The following ARHGEF10L variants were observed in gnomAD, a reference collection of about 807,000 sequenced individuals.
ARHGEF10L encodes rho guanine nucleotide exchange factor 10-like protein.
A neutral mutation model predicts 141.2 loss-of-function variants in ARHGEF10L; 69 were observed. The ratio of observed to expected loss-of-function variants is 0.49; its 90% CI spans 0.40 to 0.60. The LOEUF (loss-of-function observed/expected upper bound fraction) is 0.60. Ranked by LOEUF, ARHGEF10L falls within the 20% of genes least tolerant of loss-of-function variation. The probability of loss-of-function intolerance (pLI) is 0.00; values close to 1 mark genes in which losing one functional copy is unlikely to be tolerated. For missense variants in ARHGEF10L, 1,482 were observed against 1,734.3 expected (o/e 0.85, Z 2.58); for synonymous variants, 711 against 718.5 (o/e 0.99, Z 0.17).
intron 1 of ARHGEF10L, among the ~76,000 whole-genome samples, chr1:17,553,098 C>A (rs2077176493): frequency 6.6e-6 from 1 of 152,226 alleles, no homozygotes. Flanking sequence ...CCAAGTGGGG[C>A]AGACCCGGGA....
intron 26 of ARHGEF10L, among the ~76,000 whole-genome samples, chr1:17,667,679 C>CAGGG (rs2063069510): frequency 6.6e-6 from 1 of 152,182 alleles, no homozygotes; most frequent in African/African-American, 2.4e-5. Context: ...AAATTACAGG[C>CAGGG]AGGGGCCTGC....
chr1:17,519,166 ACT>A, the ARHGEF10L span, among the ~76,000 whole-genome samples: 2 of 149,616 alleles, frequency 1.3e-5, no homozygotes, highest in African/African-American at 4.9e-5. Flanking sequence ...CAAGAGTGAA[ACT>A]CTGTCTAAAA....
intron 26 of ARHGEF10L, among the ~76,000 whole-genome samples, chr1:17,669,791 G>A (rs1280445093): frequency 6.6e-6 from 1 of 152,260 alleles, no homozygotes; most frequent in African/African-American, 2.4e-5. Flanking sequence ...CTCTGTATGA[G>A]GTGCTGGAGG....
intron 1 of ARHGEF10L, among the ~76,000 whole-genome samples, chr1:17,560,776 G>T (rs1219450606): frequency 6.6e-6 from 1 of 152,186 alleles, no homozygotes; most frequent in East Asian, 1.9e-4. Flanking sequence ...TGTTGGTCAG[G>T]CTGGTCTCGA....
chr1:17,614,625 A>G (rs1249288198), intron 8 of ARHGEF10L, among the ~76,000 whole-genome samples: 2 of 152,096 alleles, frequency 1.3e-5, no homozygotes, highest in African/African-American at 4.8e-5. Flanking sequence ...AACAAGAAGA[A>G]GATGAGCGTC....
chr1:17,579,049 C>T (rs1219837517), intron 1 of ARHGEF10L, among the ~76,000 whole-genome samples: 1 of 151,952 alleles, frequency 6.6e-6, no homozygotes, highest in Non-Finnish European at 1.5e-5. Flanking sequence ...GAGACAGAGT[C>T]TTGCTCTGTT....
Position 17,654,602 on chromosome 1 carries a change from A to T in ARHGEF10L, c.2395-34A>T, listed in dbSNP as rs373192617. The T allele has an allele frequency of 6.3e-7, 1 of 1,595,064 alleles. No individual in the cohort carries two copies. Among genetic ancestry groups the T allele is most frequent in the Non-Finnish European group, 8.6e-7 (1 of 1,162,700 alleles). Reference sequence around the variant, plus strand: ...ATATTGGCATCTGGGCACCTTGATGATTAACCTCACATGTACCGTCTCTGT... The same window carrying T: ...ATATTGGCATCTGGGCACCTTGATGTTTAACCTCACATGTACCGTCTCTGT... On this transcript the variant is annotated intron_variant, in intron 22 of 28. Transcript: ENST00000361221. This position sits in a 1 kb window ranked among gnomAD's most constrained non-coding sequence, Gnocchi z 4.3.
chr1:17,559,464 G>A (rs542794006), intron 1 of ARHGEF10L, among the ~76,000 whole-genome samples: 1 of 152,316 alleles, frequency 6.6e-6, no homozygotes, highest in African/African-American at 2.4e-5. Flanking sequence ...AATGCTCTGA[G>A]CTCAGATTTG....
chr1:17,666,538 G>T (rs886135222), intron 26 of ARHGEF10L, among the ~76,000 whole-genome samples: 1 of 152,086 alleles, frequency 6.6e-6, no homozygotes, highest in Admixed American at 6.5e-5. Context: ...ACCTGGCAGT[G>T]AGGACCTTTA....
chr1:17,618,334 G>T (rs2059918573), intron 9 of ARHGEF10L: 1 of 1,531,260 alleles, frequency 6.5e-7, no homozygotes, highest in Non-Finnish European at 8.8e-7. Flanking sequence ...CCGTGGCAGG[G>T]CTCGAATCAC....
intron 21 of ARHGEF10L, among the ~76,000 whole-genome samples, chr1:17,646,247 C>T (rs973238068): frequency 3.9e-5 from 6 of 152,256 alleles, no homozygotes; most frequent in Non-Finnish European, 7.3e-5. Context: ...GGTGCCACCT[C>T]TCTCGGGCAG....
At chr1:17,536,810 G>A (rs2076582281), upstream of ARHGEF10L, among the ~76,000 whole-genome samples, 1 of 152,136 alleles carries the variant, frequency 6.6e-6, no homozygotes, top group African/African-American at 2.4e-5. Context: ...GTGGCCCTGG[G>A]GGAATGTGGA....
chr1:17,642,887 C>T (rs2061403359), intron 21 of ARHGEF10L, among the ~76,000 whole-genome samples: 1 of 152,214 alleles, frequency 6.6e-6, no homozygotes, highest in Non-Finnish European at 1.5e-5. Context: ...GCTTTAAAGG[C>T]AGATGAATGT....
chr1:17,606,690 A>T (rs1217465899), intron 6 of ARHGEF10L, among the ~76,000 whole-genome samples: 3 of 151,152 alleles, frequency 2.0e-5, no homozygotes, highest in Non-Finnish European at 4.4e-5. Context: ...TTTCATCTTC[A>T]TGTACTTTTT....
chr1:17,686,874 G>A (rs2064646718), intron 26 of ARHGEF10L, among the ~76,000 whole-genome samples: 2 of 151,272 alleles, frequency 1.3e-5, no homozygotes, highest in Non-Finnish European at 1.5e-5. Flanking sequence ...AAAGCATGGA[G>A]TGGTTTATCC....
At chr1:17,574,833 C>T (rs1034548733) in intron 1 of ARHGEF10L, among the ~76,000 whole-genome samples, 2 of 152,220 alleles carry the variant, frequency 1.3e-5, no homozygotes, top group South Asian at 2.1e-4. Flanking sequence ...CAGGAGACCC[C>T]GCCCCACTTC....
At chr1:17,586,375 G>C (rs1267760144) in intron 2 of ARHGEF10L, among the ~76,000 whole-genome samples, 2 of 152,190 alleles carry the variant, frequency 1.3e-5, no homozygotes, top group Non-Finnish European at 2.9e-5. Context: ...ATGTGCCCAC[G>C]AGAGGGCTGC....
chr1:17,680,351 A>G (rs572588490), intron 26 of ARHGEF10L, among the ~76,000 whole-genome samples: 2 of 152,294 alleles, frequency 1.3e-5, no homozygotes, highest in Non-Finnish European at 2.9e-5. Context: ...TTGAGTGCTG[A>G]GCTGCTCACC....
At chr1:17,626,579 G>C (rs2060398164) in intron 14 of ARHGEF10L, among the ~76,000 whole-genome samples, 2 of 152,208 alleles carry the variant, frequency 1.3e-5, no homozygotes, top group African/African-American at 4.8e-5. Flanking sequence ...CTGCTGGCCT[G>C]TGGGAGTGGG....
Sources: allele counts gnomAD v4.1 joint callset (sites outside exome capture counted in the v4.1 genomes callset), GRCh38; gene constraint gnomAD v4.1.1; non-coding constraint Gnocchi (gnomAD v3.1); transcripts MANE v1.5; gene names NCBI Gene and HGNC (gene_info 2026-07-23, HGNC 2026-07-21).